The following SAMD5 variants were observed in gnomAD, a reference collection of about 807,000 sequenced individuals.
SAMD5 encodes sterile alpha motif domain containing 5.
Under a neutral mutation model 11.3 loss-of-function variants are expected in SAMD5, and 13 were observed. That is an observed-to-expected ratio of 1.15 (90% CI 0.75 to 1.83). SAMD5 has a LOEUF of 1.83. SAMD5 is among the 40% of genes most tolerant of loss of function. The pLI, the probability that SAMD5 is intolerant of heterozygous loss-of-function variation, is 0.00. For synonymous variants in SAMD5, 129 were observed against 111.3 expected (o/e 1.16, Z -1.00); for missense variants, 255 against 239.1 (o/e 1.07, Z -0.44).
chr6:147,716,173 C>A (rs1200711325), intron 1 of SAMD5, among the ~76,000 whole-genome samples: 1 of 152,208 alleles, frequency 6.6e-6, no homozygotes, highest in Non-Finnish European at 1.5e-5. Flanking sequence ...ATGGGTTGCC[C>A]TTAGCACCAC....
intron 1 of SAMD5, among the ~76,000 whole-genome samples, chr6:147,531,185 A>G (rs1411568920): frequency 2.0e-5 from 3 of 149,902 alleles, no homozygotes; most frequent in Non-Finnish European, 3.0e-5. Context: ...AATTTTAGAG[A>G]TGATAGAGGT....
At chr6:147,729,875 AG>A (rs1196749297) in intron 1 of SAMD5, 1 of 454,884 alleles carries the variant, frequency 2.2e-6, no homozygotes, top group Non-Finnish European at 4.4e-6. Flanking sequence ...ACCTGAGGTC[AG>A]GAGTTCAAGA....
intron 1 of SAMD5, among the ~76,000 whole-genome samples, chr6:147,728,742 GTTTTTC>G (rs1791665447): frequency 6.6e-6 from 1 of 152,158 alleles, no homozygotes; most frequent in Non-Finnish European, 1.5e-5. Context: ...GTGTCCAGGA[GTTTTTC>G]TATATAAAAC....
intron 1 of SAMD5, among the ~76,000 whole-genome samples, chr6:147,609,273 C>T (rs1434053773): frequency 6.6e-6 from 1 of 152,142 alleles, no homozygotes; most frequent in African/African-American, 2.4e-5. Flanking sequence ...GACCCACATA[C>T]AGGGGGAGCA....
At chr6:147,685,498 C>T (rs1319551016) in intron 1 of SAMD5, among the ~76,000 whole-genome samples, 1 of 152,132 alleles carries the variant, frequency 6.6e-6, no homozygotes, top group Admixed American at 6.6e-5. Context: ...AAGTCTTTTG[C>T]TGGAGTCGCT....
At chr6:147,897,938 T>G in the SAMD5 span, among the ~76,000 whole-genome samples, 2 of 109,038 alleles carry the variant, frequency 1.8e-5, no homozygotes, top group Non-Finnish European at 3.7e-5. Flanking sequence ...GAGTGAGATT[T>G]TTCTTAAAAA....
downstream of SAMD5, among the ~76,000 whole-genome samples, chr6:147,740,888 CTTG>C (rs1427041810): frequency 2.0e-5 from 3 of 152,222 alleles, no homozygotes; most frequent in Non-Finnish European, 2.9e-5. Flanking sequence ...AATCCTCTGT[CTTG>C]TTGTTTCCTA....
rs533221166 is a variant in SAMD5, at chr6:147,597,306, C to T, written c.162+87919C>T. Among the ~76,000 whole-genome samples, 12 of 152,178 alleles carry T rather than the reference C, an allele frequency of 7.9e-5. No homozygotes were observed. In the South Asian group the frequency reaches 1.2e-3, roughly 16 times the overall value. On this transcript the variant is annotated intron_variant, in intron 1 of 1. Transcript: ENST00000566741. ...CTCCAGATGTCTGTTGAGATACTGT[C>T]CCTTGAGCACTGCTGAGATGTGTTT...
At chr6:147,747,157 C>G in the SAMD5 span, among the ~76,000 whole-genome samples, 5 of 152,204 alleles carry the variant, frequency 3.3e-5, no homozygotes, top group Non-Finnish European at 5.9e-5. Flanking sequence ...AAAAGAATCC[C>G]TGTGGGACAT....
chr6:147,675,976 C>T (rs1790856914), intron 1 of SAMD5: 1 of 152,112 alleles, frequency 6.6e-6, no homozygotes, highest in Admixed American at 6.5e-5. Flanking sequence ...ATATCAACAC[C>T]AAGCACAGTT....
At chr6:147,912,417 C>T in the SAMD5 span, among the ~76,000 whole-genome samples, 5 of 152,202 alleles carry the variant, frequency 3.3e-5, no homozygotes, top group Admixed American at 2.6e-4. Context: ...CACACAGTTC[C>T]TGATTGTCTG....
chr6:147,799,785 C>T, the SAMD5 span, among the ~76,000 whole-genome samples: 87 of 151,988 alleles, frequency 5.7e-4, no homozygotes, highest in Non-Finnish European at 9.1e-4. Context: ...TTCTTTTTTC[C>T]CTAAACTTTC....
At chr6:147,717,159 T>C (rs1791480284) in intron 1 of SAMD5, among the ~76,000 whole-genome samples, 1 of 152,228 alleles carries the variant, frequency 6.6e-6, no homozygotes, top group African/African-American at 2.4e-5. Flanking sequence ...TCATAGCCTA[T>C]ACAGTACCTA....
chr6:147,559,899 G>A (rs1486424229), intron 1 of SAMD5, among the ~76,000 whole-genome samples: 5 of 152,292 alleles, frequency 3.3e-5, no homozygotes, highest in South Asian at 2.1e-4. Context: ...GAGCCAGCCT[G>A]AGCCTTCCCC....
the SAMD5 span, among the ~76,000 whole-genome samples, chr6:147,858,751 T>C: frequency 6.6e-6 from 1 of 152,318 alleles, no homozygotes; most frequent in African/African-American, 2.4e-5. Context: ...GGTCAGAAGC[T>C]GTGGCATGGT....
chr6:147,699,049 T>C (rs957655951), intron 1 of SAMD5, among the ~76,000 whole-genome samples: 13 of 152,234 alleles, frequency 8.5e-5, no homozygotes, highest in African/African-American at 3.1e-4. Flanking sequence ...GGTTGGAGGC[T>C]CAGGCCAAAC....
At chr6:147,509,443 A>C in intron 1 of SAMD5, 56 bp downstream of exon 1, 4 of 1,454,876 alleles carry the variant, frequency 2.7e-6, no homozygotes, top group Non-Finnish European at 3.7e-6. Context: ...GACACAGCCC[A>C]GCTGCCTGTG....
chr6:147,705,936 G>C (rs1020684272), intron 1 of SAMD5, among the ~76,000 whole-genome samples: 2 of 152,132 alleles, frequency 1.3e-5, no homozygotes, highest in African/African-American at 4.8e-5. Flanking sequence ...GTGGGTTGAA[G>C]TTTTCCACTG....
the SAMD5 span, among the ~76,000 whole-genome samples, chr6:147,769,736 G>A: frequency 2.5e-4 from 38 of 152,216 alleles, no homozygotes; most frequent in African/African-American, 9.1e-4. Context: ...GCTTAACCCT[G>A]TATTTTCTGC....
Sources: gnomAD v4.1 joint callset for allele counts (sites outside exome capture counted in the v4.1 genomes callset) on GRCh38, gnomAD v4.1.1 for gene constraint, MANE v1.5 for transcripts, NCBI Gene and HGNC (gene_info 2026-07-23, HGNC 2026-07-21) for gene names.